AQR: variants seen among roughly 807,000 people sequenced by gnomAD.
AQR encodes the protein RNA helicase aquarius.
AQR carries 61 observed loss-of-function variants against 180.5 expected under a neutral mutation model. The observed-to-expected ratio is 0.34, with a 90% confidence interval of 0.28 to 0.42. The LOEUF (loss-of-function observed/expected upper bound fraction) is 0.42. Ranked by LOEUF, AQR falls within the 10% of genes least tolerant of loss-of-function variation. The pLI, the probability that AQR is intolerant of heterozygous loss-of-function variation, is 1.00. For synonymous variants in AQR, 551 were observed against 588.8 expected, an observed-to-expected ratio of 0.94 and a Z score of 0.93; for missense variants, 1,281 against 1,798.3, an observed-to-expected ratio of 0.71 and a Z score of 5.20.
chr15:34,952,352 C>G (rs939187537), intron 4 of AQR, among the ~76,000 whole-genome samples: 37 of 152,192 alleles, frequency 2.4e-4, no homozygotes, highest in African/African-American at 8.7e-4. Flanking sequence ...GTGGTGAGCA[C>G]AAAACTGGTG....
At chr15:34,937,863 G>C (rs931892681) in intron 9 of AQR, among the ~76,000 whole-genome samples, 4 of 151,368 alleles carry the variant, frequency 2.6e-5, no homozygotes, top group Non-Finnish European at 4.4e-5. Flanking sequence ...CATCCTGGCT[G>C]ACAGAGTGAC....
At chr15:34,874,313 G>C (rs1892862389) in intron 29 of AQR, 5 of 325,212 alleles carry the variant, frequency 1.5e-5, no homozygotes, top group Non-Finnish European at 2.7e-5. Context: ...TATGAGATGG[G>C]GCCTGCATCC....
intron 23 of AQR, among the ~76,000 whole-genome samples, chr15:34,892,870 A>G (rs1893171946): frequency 6.6e-6 from 1 of 152,210 alleles, no homozygotes; most frequent in Non-Finnish European, 1.5e-5. Context: ...TTGTATGGGT[A>G]CTTGAAGTAC....
intron 33 of AQR, among the ~76,000 whole-genome samples, chr15:34,860,551 A>G (rs1892656170): frequency 6.6e-6 from 1 of 152,206 alleles, no homozygotes; most frequent in South Asian, 2.1e-4. Flanking sequence ...ACTATCTAAT[A>G]TAAAAGAATT....
At chr15:34,924,945 A>C (rs1432430245) in intron 13 of AQR, among the ~76,000 whole-genome samples, 2 of 151,480 alleles carry the variant, frequency 1.3e-5, no homozygotes, top group African/African-American at 4.8e-5. Flanking sequence ...AGGCAATAAA[A>C]GTATTTTTAA....
chr15:34,958,815 C>A (rs1323663072), intron 3 of AQR, among the ~76,000 whole-genome samples: 1 of 152,142 alleles, frequency 6.6e-6, no homozygotes, highest in Non-Finnish European at 1.5e-5. Context: ...AAATTTCATT[C>A]ATACTCACCT....
chr15:34,942,332 G>A (rs879227010), intron 6 of AQR, among the ~76,000 whole-genome samples: 1 of 152,210 alleles, frequency 6.6e-6, no homozygotes, highest in Admixed American at 6.5e-5. Context: ...CACTCCATGT[G>A]CTTTCACAGT....
intron 3 of AQR, among the ~76,000 whole-genome samples, chr15:34,956,074 A>T (rs550920421): frequency 6.6e-6 from 1 of 152,296 alleles, no homozygotes; most frequent in East Asian, 1.9e-4. Context: ...TGGAACACCG[A>T]CAATGTTCGT....
At chr15:34,893,607 G>GCGCACACA (rs1555423809) in intron 23 of AQR, 56 bp downstream of exon 23, 15 of 999,568 alleles carry the variant, frequency 1.5e-5, no homozygotes, top group Admixed American at 6.5e-5. Flanking sequence ...GCGCATGCGT[G>GCGCACACA]CACACACACA....
chr15:34,936,897 G>A (rs981982783), intron 9 of AQR, among the ~76,000 whole-genome samples: 5 of 152,014 alleles, frequency 3.3e-5, no homozygotes, highest in African/African-American at 9.7e-5. Flanking sequence ...TTCTATAGAC[G>A]TTAGTAGCTC....
chr15:34,875,926 A>G lies in AQR; in HGVS notation c.3237+9T>C. On this transcript the variant is annotated intron_variant, in intron 28 of 34. Coordinates refer to ENST00000156471, the MANE Select transcript of AQR (RefSeq NM_014691.3). Reference sequence around the variant, plus strand: ...CTATTTTCTTTGCCTCAGATCTTATATTTCTTACCTGTAGAAGAAGAGGGA... The same window carrying G: ...CTATTTTCTTTGCCTCAGATCTTATGTTTCTTACCTGTAGAAGAAGAGGGA... 2 of 1,598,122 alleles carry G rather than the reference A, an allele frequency of 1.3e-6. No individual in the cohort carries two copies. Among genetic ancestry groups the G allele is most frequent in the Non-Finnish European group, 1.7e-6 (2 of 1,166,106 alleles).
intron 13 of AQR, 103 bp from the exon 14 acceptor site, chr15:34,920,537 G>A (rs1040699162): frequency 1.3e-6 from 1 of 791,584 alleles, no homozygotes; most frequent in Non-Finnish European, 2.0e-6. Context: ...ATAATACTAT[G>A]ACATGGGCAG....
chr15:34,857,121 AAAAAC>A lies in AQR; in HGVS notation c.4144-20_4144-16del. ...TGTAATAAAGTCTAATTAAAAAAAA[AAAAAC>A]AAAGACAATACCAATATGAAAAACA... On this transcript the variant is annotated splice_polypyrimidine_tract_variant and intron_variant, in intron 34 of 34. Transcript: ENST00000156471. 6.5e-7 allele frequency: 1 copy of A among 1,536,116 alleles called. No homozygotes were observed. The highest frequency in any genetic ancestry group is 8.7e-7 in the Non-Finnish European group (1 of 1,148,064).
intron 18 of AQR, among the ~76,000 whole-genome samples, chr15:34,905,564 G>A (rs991385472): frequency 4.0e-5 from 6 of 150,840 alleles, no homozygotes; most frequent in African/African-American, 1.5e-4. Context: ...CCAAGAGCCT[G>A]CCATTCCTCA....
intron 22 of AQR, 84 bp from the exon 23 acceptor site, chr15:34,893,857 A>G: frequency 8.4e-7 from 1 of 1,187,142 alleles, no homozygotes; most frequent in South Asian, 1.3e-5. Flanking sequence ...ACAGACCTGA[A>G]AGATAAAATT....
intron 21 of AQR, 63 bp from the exon 22 acceptor site, chr15:34,897,029 A>G (rs1893256418): frequency 9.0e-6 from 12 of 1,335,900 alleles, no homozygotes; most frequent in Middle Eastern, 1.8e-4. Flanking sequence ...ATACAAATTT[A>G]GACAACAATG....
intron 22 of AQR, among the ~76,000 whole-genome samples, chr15:34,896,367 T>A (rs1893243655): frequency 6.6e-6 from 1 of 152,080 alleles, no homozygotes. Flanking sequence ...ACAAAACTTT[T>A]AAAAAATGGG....
At position 34,860,070 on chromosome 15, in the gene AQR, A is replaced by G; in HGVS notation, c.4115T>C (p.Leu1372Ser). Reference sequence around the variant, plus strand: ...ATGATAATGATGTGTAGTCTGTATCAAATGCATGTACATGTTGTATACAAA... The same window carrying G: ...ATGATAATGATGTGTAGTCTGTATCGAATGCATGTACATGTTGTATACAAA... The part of the protein sequence containing the change: ...ANFVYNMYMH[L>S]IQTTHHYHQT... Residue 1372 changes from leucine (L) to serine (S), a missense_variant, in exon 34 of 35, where the codon TTG becomes TCG. Leu to Ser is a moderately radical substitution (Grantham distance 145). This residue lies in a region of AQR where 182 missense variants were observed against 185.3 expected (regional missense o/e 0.98). Coordinates refer to ENST00000156471, the MANE Select transcript of AQR (RefSeq NM_014691.3). The G allele has an allele frequency of 6.7e-7, 1 of 1,485,698 alleles. No homozygotes were observed. The highest frequency in any genetic ancestry group is 9.1e-7 in the Non-Finnish European group (1 of 1,102,130). The allele number at this position is 1,485,698 out of a possible 1,614,324, so 92.0% of individuals were successfully genotyped here. A position where few individuals can be genotyped will look rare whatever the true frequency, so the allele number is the denominator to read the frequency against.
chr15:34,910,300 C>T lies in AQR; in HGVS notation c.1498G>A (p.Gly500Ser), dbSNP rs1224484730. Residue 500 changes from glycine (G) to serine (S), a missense_variant, in exon 17 of 35, where the codon GGC becomes AGC. Gly to Ser is a moderately conservative substitution (Grantham distance 56, BLOSUM62 0). This residue lies in a region of AQR where 200 missense variants were observed against 293.4 expected (regional missense o/e 0.68). Coordinates refer to ENST00000156471, the MANE Select transcript of AQR (RefSeq NM_014691.3). The stretch of plus-strand genomic sequence containing the variant: ...GCCCAACCACCAAACACTACACCGC[C>T]ATATTCAGATTGCCTGAAACCAAAG... ...SRMKPWQSEY[G>S]GVVFGGWARM... The T allele has an allele frequency of 6.2e-7, 1 of 1,613,612 alleles. No homozygotes were observed. The highest frequency in any genetic ancestry group is 8.5e-7 in the Non-Finnish European group (1 of 1,179,640).
Sources: allele counts gnomAD v4.1 joint callset (sites outside exome capture counted in the v4.1 genomes callset), GRCh38; gene constraint gnomAD v4.1.1; regional missense constraint gnomAD v4.1.1; transcripts MANE v1.5; gene names NCBI Gene and HGNC (gene_info 2026-07-23, HGNC 2026-07-21).